Variants in HS6ST3 observed in about 807,000 individuals in gnomAD.
HS6ST3 encodes heparan-sulfate 6-O-sulfotransferase 3.
Under a neutral mutation model 36.7 loss-of-function variants are expected in HS6ST3, and 12 were observed. The observed-to-expected ratio is 0.33, with a 90% CI of 0.21 to 0.53. The LOEUF (loss-of-function observed/expected upper bound fraction) is 0.53. HS6ST3 is among the 20% of genes least tolerant of loss of function. The pLI, the probability that HS6ST3 is intolerant of heterozygous loss-of-function variation, is 0.95. For synonymous variants in HS6ST3, 240 were observed against 257.5 expected (o/e 0.93, Z 0.65); for missense variants, 584 against 640.9 (o/e 0.91, Z 0.96).
intron 1 of HS6ST3, among the ~76,000 whole-genome samples, chr13:96,721,245 T>C (rs1281834606): frequency 6.6e-6 from 1 of 152,184 alleles, no homozygotes; most frequent in African/African-American, 2.4e-5. Flanking sequence ...ACAGCATTTT[T>C]ATATCTTTAT....
chr13:96,412,689 G>A, intron 1 of HS6ST3, among the ~76,000 whole-genome samples: 1 of 152,058 alleles, frequency 6.6e-6, no homozygotes. Flanking sequence ...AGTGTTGAAA[G>A]GTTTCTGTTG....
At chr13:96,457,416 TG>T (rs1194396081) in intron 1 of HS6ST3, among the ~76,000 whole-genome samples, 2 of 152,116 alleles carry the variant, frequency 1.3e-5, no homozygotes, top group East Asian at 3.9e-4. Context: ...GTTATTTGCT[TG>T]GTGACAATGT....
chr13:96,151,969 C>T (rs1019349003), intron 1 of HS6ST3, among the ~76,000 whole-genome samples: 3 of 152,208 alleles, frequency 2.0e-5, no homozygotes, highest in African/African-American at 7.2e-5. Flanking sequence ...ATCTGCAAAA[C>T]CACCTTATTT....
rs150350731 is a variant in HS6ST3 at position 96,374,183 on chromosome 13, T to C, written c.707+282614T>C. Among the ~76,000 whole-genome samples, 166 of 152,270 alleles carry C rather than the reference T, an allele frequency of 1.1e-3. 2 individuals carry two copies. Among genetic ancestry groups the C allele is most frequent in the Admixed American group, 3.6e-3 (55 of 15,290 alleles). ...ATTATTATATTATTGTTTTAATCTT[T>C]ACAGTATTTTTGTTTTTATTGATTT... is the stretch of plus-strand genomic sequence containing the variant. On this transcript the variant is annotated intron_variant, in intron 1 of 1. Coordinates refer to ENST00000376705, the MANE Select transcript of HS6ST3 (RefSeq NM_153456.4).
chr13:96,270,984 G>A lies in HS6ST3; in HGVS notation c.707+179415G>A, dbSNP rs138858460. Among the ~76,000 whole-genome samples the A allele has an allele frequency of 5.6e-3, 854 of 152,036 alleles. 19 individuals carry two copies. The highest frequency in any genetic ancestry group is 0.019 in the African/African-American group (798 of 41,368). On this transcript the variant is annotated intron_variant, in intron 1 of 1. Transcript: ENST00000376705. ...AGTCTTTAGGAAGTTTCCCTGAAAT[G>A]CCTGGTTATGGCAGAGTCTCTCTGG...
intron 1 of HS6ST3, among the ~76,000 whole-genome samples, chr13:96,678,248 T>C (rs1361568066): frequency 6.6e-6 from 1 of 152,156 alleles, no homozygotes; most frequent in Non-Finnish European, 1.5e-5. Context: ...ACATGGAGCC[T>C]TCATGGTCTA....
At chr13:96,517,924 C>T (rs935989505) in intron 1 of HS6ST3, among the ~76,000 whole-genome samples, 3 of 152,100 alleles carry the variant, frequency 2.0e-5, no homozygotes, top group Non-Finnish European at 2.9e-5. Flanking sequence ...TTCATTGCAC[C>T]GCTATTTACT....
intron 1 of HS6ST3, among the ~76,000 whole-genome samples, chr13:96,382,039 G>A (rs2055344065): frequency 6.6e-6 from 1 of 152,104 alleles, no homozygotes; most frequent in Non-Finnish European, 1.5e-5. Context: ...TCCCAAAGGA[G>A]GATGTGATTG....
chr13:96,581,513 C>T (rs1255353570), intron 1 of HS6ST3, among the ~76,000 whole-genome samples: 10 of 152,100 alleles, frequency 6.6e-5, no homozygotes, highest in African/African-American at 1.4e-4. Context: ...TGAGCCACCG[C>T]GCCTGGCCAA....
rs141879594 is a variant in HS6ST3, at chr13:96,310,204, A to C, written c.707+218635A>C. On this transcript the variant is annotated intron_variant, in intron 1 of 1. Transcript: ENST00000376705. Reference sequence around the variant, plus strand: ...CTGATTATTTTTCTTCAAGCATTTAAATATCAACACATGCATATACATGTT... The same window carrying C: ...CTGATTATTTTTCTTCAAGCATTTACATATCAACACATGCATATACATGTT... Among the ~76,000 whole-genome samples, 110 of 152,304 alleles carry C rather than the reference A, an allele frequency of 7.2e-4. 2 individuals carry two copies. Among genetic ancestry groups the C allele is most frequent in the African/African-American group, 2.5e-3 (105 of 41,570 alleles).
chr13:96,276,537 T>A (rs1200002566), intron 1 of HS6ST3, among the ~76,000 whole-genome samples: 3 of 152,194 alleles, frequency 2.0e-5, no homozygotes, highest in Admixed American at 2.0e-4. Flanking sequence ...GTATAAATAG[T>A]CACCTGTATG....
intron 1 of HS6ST3, among the ~76,000 whole-genome samples, chr13:96,813,175 C>T (rs1206489472): frequency 6.6e-6 from 1 of 152,090 alleles, no homozygotes; most frequent in Non-Finnish European, 1.5e-5. Context: ...GTTTACAAAG[C>T]CCACAGATAT....
At chr13:96,155,483 G>A (rs2139325673) in intron 1 of HS6ST3, among the ~76,000 whole-genome samples, 1 of 152,246 alleles carries the variant, frequency 6.6e-6, no homozygotes, top group South Asian at 2.1e-4. Flanking sequence ...CACTAGGGAA[G>A]GAGGAAGACA....
At chr13:96,757,565 A>C (rs191190538) in intron 1 of HS6ST3, among the ~76,000 whole-genome samples, 284 of 152,284 alleles carry the variant, frequency 1.9e-3, no homozygotes, top group Non-Finnish European at 2.9e-3. Flanking sequence ...CTTAGGGTAA[A>C]AGATTTCAAT....
intron 1 of HS6ST3, among the ~76,000 whole-genome samples, chr13:96,364,758 A>T: frequency 6.6e-6 from 1 of 152,162 alleles, no homozygotes; most frequent in East Asian, 1.9e-4. Context: ...TAAAATCTCA[A>T]GTTTTGTGTT....
intron 1 of HS6ST3, among the ~76,000 whole-genome samples, chr13:96,797,128 T>C (rs1302689292): frequency 6.6e-6 from 1 of 152,114 alleles, no homozygotes; most frequent in Non-Finnish European, 1.5e-5. Context: ...TAATTATATT[T>C]ATTGACCCTT....
At chr13:96,272,879 A>G (rs915055278) in intron 1 of HS6ST3, among the ~76,000 whole-genome samples, 2 of 151,984 alleles carry the variant, frequency 1.3e-5, no homozygotes, top group African/African-American at 2.4e-5. Flanking sequence ...AAAATACCCT[A>G]AAGAATACTA....
intron 1 of HS6ST3, among the ~76,000 whole-genome samples, chr13:96,755,404 G>A (rs147791843): frequency 0.018 from 2,707 of 151,528 alleles, 30 homozygotes; most frequent in Middle Eastern, 0.048. Flanking sequence ...TCACTCTATC[G>A]CCCAGGCTGG....
At chr13:96,469,475 G>A (rs1443693505) in intron 1 of HS6ST3, among the ~76,000 whole-genome samples, 1 of 152,020 alleles carries the variant, frequency 6.6e-6, no homozygotes, top group East Asian at 1.9e-4. Context: ...TTCAGCCTGA[G>A]GTTTAATTCT....
Sources: gnomAD v4.1 joint callset for allele counts (sites outside exome capture counted in the v4.1 genomes callset) on GRCh38, gnomAD v4.1.1 for gene constraint, MANE v1.5 for transcripts, NCBI Gene and HGNC (gene_info 2026-07-23, HGNC 2026-07-21) for gene names.